CTDSP2: variants seen among roughly 807,000 people sequenced by gnomAD.
CTDSP2 encodes CTD small phosphatase 2.
A neutral mutation model predicts 31.6 loss-of-function variants in CTDSP2; 9 were observed. The observed-to-expected ratio is 0.28, with a 90% CI of 0.17 to 0.50. The LOEUF (loss-of-function observed/expected upper bound fraction) is 0.50, where lower values mean the gene tolerates loss of function less well. CTDSP2 is among the 20% of genes least tolerant of loss of function. CTDSP2 has a pLI of 0.98. For synonymous variants in CTDSP2, 134 were observed against 134.5 expected (o/e 1.00, Z 0.03); for missense variants, 267 against 348.5 (o/e 0.77, Z 1.86).
intron 1 of CTDSP2, among the ~76,000 whole-genome samples, chr12:57,832,287 G>A (rs1956220474): frequency 6.6e-6 from 1 of 152,240 alleles, no homozygotes. Context: ...TCTGGAAGAG[G>A]AACCAAAATT....
At chr12:57,838,421 A>T (rs1172968888) in intron 1 of CTDSP2, among the ~76,000 whole-genome samples, 1 of 152,086 alleles carries the variant, frequency 6.6e-6, no homozygotes, top group East Asian at 1.9e-4. Flanking sequence ...ACCTGGAGTT[A>T]CCCCTCCTTC....
chr12:57,832,761 TAGCCTGGGCAACAG>T (rs1956223650), intron 1 of CTDSP2, among the ~76,000 whole-genome samples: 1 of 115,802 alleles, frequency 8.6e-6, no homozygotes, highest in South Asian at 2.9e-4. Flanking sequence ...CACTGCACTC[TAGCCTGGGCAACAG>T]AGCGAGACTC....
At chr12:57,830,029 T>C (rs1297010993) in intron 1 of CTDSP2, among the ~76,000 whole-genome samples, 3 of 152,156 alleles carry the variant, frequency 2.0e-5, no homozygotes, top group African/African-American at 7.2e-5. Context: ...TAGTTCTGTT[T>C]AGCATCAGCT....
intron 2 of CTDSP2, among the ~76,000 whole-genome samples, chr12:57,828,277 G>T (rs1956195206): frequency 6.6e-6 from 1 of 152,130 alleles, no homozygotes; most frequent in South Asian, 2.1e-4. Flanking sequence ...AAATTAGCCG[G>T]TCGTGGTGGC....
At chr12:57,833,633 G>C (rs532765358) in intron 1 of CTDSP2, among the ~76,000 whole-genome samples, 1 of 152,222 alleles carries the variant, frequency 6.6e-6, no homozygotes, top group East Asian at 1.9e-4. Flanking sequence ...GACCCTCTGC[G>C]TACCAGGTGC....
At chr12:57,836,989 C>G (rs1956252006) in intron 1 of CTDSP2, 1 of 152,196 alleles carries the variant, frequency 6.6e-6, no homozygotes, top group Non-Finnish European at 1.5e-5. Flanking sequence ...TATAAAATGG[C>G]CCCTCTGAGG....
chr12:57,838,979 T>C (rs1158388371), intron 1 of CTDSP2, among the ~76,000 whole-genome samples: 1 of 152,156 alleles, frequency 6.6e-6, no homozygotes, highest in Non-Finnish European at 1.5e-5. Flanking sequence ...ATTTCAGAGG[T>C]AGTAACAGGG....
chr12:57,827,346 G>A, intron 3 of CTDSP2: 1 of 642,870 alleles, frequency 1.6e-6, no homozygotes, highest in Admixed American at 2.5e-5. Flanking sequence ...GCAGCTGTGG[G>A]AAGAGGGCAT....
intron 1 of CTDSP2, chr12:57,842,360 A>C (rs1396671109): frequency 1.3e-5 from 2 of 152,214 alleles, no homozygotes; most frequent in Non-Finnish European, 2.9e-5. Flanking sequence ...CATGGAAAGG[A>C]TGAAATGACA....
intron 2 of CTDSP2, among the ~76,000 whole-genome samples, chr12:57,828,191 G>A (rs528002055): frequency 6.6e-5 from 10 of 152,162 alleles, no homozygotes; most frequent in Non-Finnish European, 1.0e-4. Context: ...AGGCCGAGGC[G>A]CGCGGATCAC....
At chr12:57,839,242 C>T (rs960528015) in intron 1 of CTDSP2, among the ~76,000 whole-genome samples, 1 of 152,208 alleles carries the variant, frequency 6.6e-6, no homozygotes, top group Admixed American at 6.5e-5. Context: ...ATCTAGAAGT[C>T]AGGAAACCCA....
rs1051233239 is a variant in CTDSP2 at position 57,822,855 on chromosome 12, G to C, written c.*747C>G. ...TCAAAAGAACGGAAATCAGTTATCT[G>C]TCCTCTTCCCGGGCAGGGAGAAAAC... On this transcript the variant is annotated 3_prime_UTR_variant, in exon 8 of 8. Transcript: ENST00000398073. 1 of 152,704 alleles carries C rather than the reference G, an allele frequency of 6.5e-6. No homozygotes were observed. Among genetic ancestry groups the C allele is most frequent in the African/African-American group, 2.4e-5 (1 of 41,458 alleles). 9.5% of individuals were successfully genotyped at this position (152,704 alleles called of 1,614,324 possible).
In CTDSP2 at chr12:57,823,516, C is replaced by A; in HGVS notation, c.*86G>T. 6.6e-7 allele frequency: 1 copy of A among 1,512,460 alleles called. No individual in the cohort carries two copies. The highest frequency in any genetic ancestry group is 9.0e-7 in the Non-Finnish European group (1 of 1,113,612). The allele number at this position is 1,512,460 out of a possible 1,614,324, so 93.7% of individuals were successfully genotyped here. On this transcript the variant is annotated 3_prime_UTR_variant, in exon 8 of 8. Coordinates refer to ENST00000398073, the MANE Select transcript of CTDSP2 (RefSeq NM_005730.4). ...TTCCGGGCCGTGTGGTGAGGCACTC[C>A]AGCTTCTACTCTGTCACGCTGATCG... is the stretch of plus-strand genomic sequence containing the variant.
At chr12:57,838,617 T>C (rs1445009896) in intron 1 of CTDSP2, among the ~76,000 whole-genome samples, 1 of 152,180 alleles carries the variant, frequency 6.6e-6, no homozygotes. Flanking sequence ...TTTAGGTTGA[T>C]ACAAACGTGA....
Position 57,846,556 on chromosome 12 carries a change from T to G in CTDSP2, c.-121A>C, listed in dbSNP as rs1354121713. On this transcript the variant is annotated 5_prime_UTR_variant, in exon 1 of 8. Coordinates refer to ENST00000398073, the MANE Select transcript of CTDSP2 (RefSeq NM_005730.4). Reference sequence around the variant, plus strand: ...CTCCCGAGACTCCGACTTCCACAGCTGTTCACATCCCCCCTCTCGTTTCCT... The same window carrying G: ...CTCCCGAGACTCCGACTTCCACAGCGGTTCACATCCCCCCTCTCGTTTCCT... The G allele has an allele frequency of 2.7e-5, 20 of 752,510 alleles. No homozygotes were observed. Among genetic ancestry groups the G allele is most frequent in the Non-Finnish European group, 3.8e-5 (19 of 501,914 alleles). 46.6% of individuals were successfully genotyped at this position (752,510 alleles called of 1,614,324 possible). A position where few individuals can be genotyped will look rare whatever the true frequency, so the allele number is the denominator to read the frequency against.
chr12:57,832,029 T>G (rs149416513), intron 1 of CTDSP2, among the ~76,000 whole-genome samples: 3 of 152,146 alleles, frequency 2.0e-5, no homozygotes, highest in African/African-American at 7.2e-5. Context: ...ACAAGTATAG[T>G]CAGCATCACT....
chr12:57,820,452 CCAGA>C lies in CTDSP2; in HGVS notation c.*3146_*3149del, dbSNP rs1348848674. The C allele has an allele frequency of 6.6e-6, 1 of 152,210 alleles. No individual in the cohort carries two copies. The highest frequency in any genetic ancestry group is 1.5e-5 in the Non-Finnish European group (1 of 68,042). 9.4% of individuals were successfully genotyped at this position (152,210 alleles called of 1,614,324 possible). On this transcript the variant is annotated 3_prime_UTR_variant, in exon 8 of 8. Coordinates refer to ENST00000398073, the MANE Select transcript of CTDSP2 (RefSeq NM_005730.4). ...CTTGGCCTGGCTAGGACACTGGGTGCCAGACAGCCTTCTGAGGGGATTTTCTTTC... is the reference window on the plus strand; with the variant it reads ...CTTGGCCTGGCTAGGACACTGGGTGCCAGCCTTCTGAGGGGATTTTCTTTC...
chr12:57,824,129 G>A lies in CTDSP2; in HGVS notation c.505-40C>T, dbSNP rs751292723. 5.0e-6 allele frequency: 8 copies of A among 1,611,448 alleles called. No homozygotes were observed. In the African/African-American group the frequency reaches 1.1e-4, roughly 22 times the overall value. On this transcript the variant is annotated intron_variant, in intron 6 of 7. Coordinates refer to ENST00000398073, the MANE Select transcript of CTDSP2 (RefSeq NM_005730.4). ...GATGCCTTAGTTTGGATACACTCCT[G>A]GTCCTCCTGTATAACCCTAGGGACC...
At position 57,821,655 on chromosome 12, in the gene CTDSP2, G is replaced by C. The variant is rs1304284433; in HGVS notation, c.*1947C>G. The stretch of plus-strand genomic sequence containing the variant: ...TCCGAAGCCACAGCTGGCTCTAAGA[G>C]TCTGAGCTCCTGCTTTCCTTCAAGA... On this transcript the variant is annotated 3_prime_UTR_variant, in exon 8 of 8. Transcript: ENST00000398073. The C allele has an allele frequency of 6.6e-6, 1 of 152,276 alleles. No individual in the cohort carries two copies. The highest frequency in any genetic ancestry group is 3.1e-3 in the Middle Eastern group (1 of 320). 9.4% of individuals were successfully genotyped at this position (152,276 alleles called of 1,614,324 possible).
Sources: allele counts gnomAD v4.1 joint callset (sites outside exome capture counted in the v4.1 genomes callset), GRCh38; gene constraint gnomAD v4.1.1; transcripts MANE v1.5; gene names NCBI Gene and HGNC (gene_info 2026-07-23, HGNC 2026-07-21).